METTL15: variants seen among roughly 807,000 people sequenced by gnomAD.
METTL15 encodes the protein 12S rRNA N(4)-cytidine methyltransferase METTL15.
In METTL15, 34 loss-of-function variants were observed where a neutral mutation model predicts 38.3. The ratio of observed to expected loss-of-function variants is 0.89; its 90% CI spans 0.68 to 1.18. METTL15 has a LOEUF of 1.18. METTL15 is among the 50% of genes most tolerant of loss of function. The pLI is 0.00. For missense variants in METTL15, 438 were observed against 498.4 expected, an observed-to-expected ratio of 0.88 and a Z score of 1.15; for synonymous variants, 162 against 170.9, an observed-to-expected ratio of 0.95 and a Z score of 0.41.
chr11:28,427,433 T>A (rs569420203), intron 6 of METTL15, among the ~76,000 whole-genome samples: 2 of 152,304 alleles, frequency 1.3e-5, no homozygotes, highest in African/African-American at 4.8e-5. Context: ...TTTGGTTCCA[T>A]ATGAATATTA....
intron 6 of METTL15, among the ~76,000 whole-genome samples, chr11:28,302,638 A>G (rs1400585835): frequency 6.6e-6 from 1 of 152,124 alleles, no homozygotes; most frequent in African/African-American, 2.4e-5. Context: ...TGGAACTGTA[A>G]GTCCAATTAA....
intron 5 of METTL15, among the ~76,000 whole-genome samples, chr11:28,383,962 C>T (rs1003710279): frequency 6.6e-6 from 1 of 152,006 alleles, no homozygotes; most frequent in Non-Finnish European, 1.5e-5. Flanking sequence ...TCTCTCTTAT[C>T]CCTCCACCCT....
exon 6 of METTL15, chr11:28,424,299 G>GCTGCACA (rs1850846816): frequency 6.6e-6 from 1 of 151,988 alleles, no homozygotes; most frequent in Admixed American, 6.6e-5. Flanking sequence ...CTGTTTCTAG[G>GCTGCACA]CTGCACATGT....
At position 28,430,304 on chromosome 11, in the gene METTL15, C is replaced by T. The variant is rs1263496837; in HGVS notation, c.*424+5940C>T. The stretch of plus-strand genomic sequence containing the variant: ...GGGTCAGCCCCCCCGCCCGGCCAGC[C>T]GTGCCATCCGGGAGGGAGGTGAGGG... On this transcript the variant is annotated intron_variant and NMD_transcript_variant, in intron 6 of 7. Transcript: ENST00000532947. Among the ~76,000 whole-genome samples, 23 of 135,942 alleles carry T rather than the reference C, an allele frequency of 1.7e-4. No individual in the cohort carries two copies. The East Asian group carries it at 3.0e-3, about 18-fold the overall frequency. 89.2% of individuals were successfully genotyped at this position (135,942 alleles called of 152,430 possible). A position where few individuals can be genotyped will look rare whatever the true frequency, so the allele number is the denominator to read the frequency against.
At chr11:28,521,016 T>TA (rs1851760742) in intron 6 of METTL15, among the ~76,000 whole-genome samples, 1 of 140,842 alleles carries the variant, frequency 7.1e-6, no homozygotes, top group African/African-American at 2.6e-5. Flanking sequence ...ATCAAACTTC[T>TA]TTTTTTTTTT....
chr11:28,385,474 G>A (rs1243642407), intron 5 of METTL15, among the ~76,000 whole-genome samples: 2 of 151,926 alleles, frequency 1.3e-5, no homozygotes, highest in Non-Finnish European at 2.9e-5. Context: ...TTATTTCTGT[G>A]CTCTTTATTT....
At position 28,205,983 on chromosome 11, in the gene METTL15, G is replaced by A. The variant is rs896525737; in HGVS notation, c.271-5079G>A. Among the ~76,000 whole-genome samples, 96 of 141,458 alleles carry A rather than the reference G, an allele frequency of 6.8e-4. 3 individuals carry two copies. In the South Asian group the frequency reaches 0.021, roughly 32 times the overall value. 92.8% of individuals were successfully genotyped at this position (141,458 alleles called of 152,430 possible). A position where few individuals can be genotyped will look rare whatever the true frequency, so the allele number is the denominator to read the frequency against. ...GTTTTTTTCTTGTAAATTTGTTTGA[G>A]TTCATTGTAGATTCTGGATATTAGC... is the stretch of plus-strand genomic sequence containing the variant. On this transcript the variant is annotated intron_variant, in intron 3 of 6. Transcript: ENST00000407364.
At chr11:28,397,723 GC>G (rs1850586765) in intron 5 of METTL15, among the ~76,000 whole-genome samples, 2 of 152,212 alleles carry the variant, frequency 1.3e-5, no homozygotes, top group South Asian at 4.1e-4. Context: ...ATTTGACCCA[GC>G]CATCCTATTA....
intron 5 of METTL15, among the ~76,000 whole-genome samples, chr11:28,422,874 A>C (rs1590368907): frequency 6.6e-6 from 1 of 152,050 alleles, no homozygotes; most frequent in East Asian, 1.9e-4. Context: ...ATGTTTCTTC[A>C]TAGCAAAGGA....
At chr11:28,386,325 C>G (rs1850440322) in intron 5 of METTL15, among the ~76,000 whole-genome samples, 1 of 151,658 alleles carries the variant, frequency 6.6e-6, no homozygotes, top group African/African-American at 2.4e-5. Flanking sequence ...AAAACAAAAT[C>G]CGACTATAAG....
intron 3 of METTL15, among the ~76,000 whole-genome samples, chr11:28,191,210 A>G (rs1446365408): frequency 6.6e-6 from 1 of 151,432 alleles, no homozygotes; most frequent in Non-Finnish European, 1.5e-5. Context: ...AAAACCAAAT[A>G]TTAACTATAT....
At chr11:28,491,503 T>C (rs1438772016) in intron 6 of METTL15, among the ~76,000 whole-genome samples, 1 of 152,094 alleles carries the variant, frequency 6.6e-6, no homozygotes, top group African/African-American at 2.4e-5. Context: ...TGATGCTAGG[T>C]CACCTGGGCT....
chr11:28,115,390 C>T (rs188993581), intron 3 of METTL15, among the ~76,000 whole-genome samples: 1 of 151,980 alleles, frequency 6.6e-6, no homozygotes, highest in Non-Finnish European at 1.5e-5. Context: ...TCCCGAGTAG[C>T]TGGGATTACA....
chr11:28,295,025 T>C (rs1010445552), intron 5 of METTL15, among the ~76,000 whole-genome samples: 1 of 152,014 alleles, frequency 6.6e-6, no homozygotes, highest in African/African-American at 2.4e-5. Context: ...ATTAACACAG[T>C]TCATTCAAAT....
chr11:28,255,373 A>T (rs1854929087), intron 4 of METTL15, among the ~76,000 whole-genome samples: 1 of 152,170 alleles, frequency 6.6e-6, no homozygotes, highest in Non-Finnish European at 1.5e-5. Context: ...GATTTTCTAA[A>T]TATAAGATCA....
chr11:28,171,790 CT>C (rs926523103), intron 3 of METTL15, among the ~76,000 whole-genome samples: 3 of 147,862 alleles, frequency 2.0e-5, no homozygotes, highest in South Asian at 2.1e-4. Context: ...CTCTCTCTCT[CT>C]TTTTTTTTTC....
At chr11:28,409,578 C>G (rs1850707852) in intron 5 of METTL15, among the ~76,000 whole-genome samples, 1 of 151,748 alleles carries the variant, frequency 6.6e-6, no homozygotes. Flanking sequence ...TATCTTAAGA[C>G]AGATGACAAT....
At chr11:28,220,956 G>C (rs1426744191) in intron 4 of METTL15, among the ~76,000 whole-genome samples, 3 of 152,152 alleles carry the variant, frequency 2.0e-5, no homozygotes, top group Non-Finnish European at 4.4e-5. Flanking sequence ...GCTTCCCTTT[G>C]TGGGTAACCG....
At chr11:28,201,241 C>T (rs1429407190) in intron 3 of METTL15, among the ~76,000 whole-genome samples, 2 of 152,024 alleles carry the variant, frequency 1.3e-5, no homozygotes, top group Non-Finnish European at 2.9e-5. Context: ...GGGATGAAGC[C>T]AACTTGATCA....
Sources: allele counts gnomAD v4.1 joint callset (sites outside exome capture counted in the v4.1 genomes callset), GRCh38; gene constraint gnomAD v4.1.1; transcripts MANE v1.5; gene names NCBI Gene and HGNC (gene_info 2026-07-23, HGNC 2026-07-21).